Variants in MYRFL observed in about 807,000 individuals in gnomAD.
MYRFL encodes the protein myelin regulatory factor-like protein.
MYRFL carries 88 observed loss-of-function variants against 109.4 expected under a neutral mutation model. The ratio of observed to expected loss-of-function variants is 0.80; its 90% CI spans 0.68 to 0.96. The LOEUF is 0.96. MYRFL is among the 40% of genes least tolerant of loss of function. MYRFL has a pLI of 0.00. For missense variants in MYRFL, 957 were observed against 954.9 expected (o/e 1.00, Z -0.03); for synonymous variants, 324 against 320.9 (o/e 1.01, Z -0.10).
At chr12:69,903,487 C>A (rs921389337) in intron 10 of MYRFL, among the ~76,000 whole-genome samples, 157 bp from the exon 11 acceptor site, 1 of 152,078 alleles carries the variant, frequency 6.6e-6, no homozygotes, top group East Asian at 1.9e-4. Context: ...TCCTGGGCCC[C>A]GGAATTACTT....
chr12:69,947,729 T>C (rs1363320019), intron 19 of MYRFL, among the ~76,000 whole-genome samples: 1 of 152,158 alleles, frequency 6.6e-6, no homozygotes, highest in Non-Finnish European at 1.5e-5. Context: ...GAAAAGTGAA[T>C]GGCCAGAAGA....
intron 16 of MYRFL, among the ~76,000 whole-genome samples, chr12:69,933,962 C>G (rs1955362028): frequency 6.6e-6 from 1 of 152,088 alleles, no homozygotes. Flanking sequence ...CTGTGGTATA[C>G]CTGAGTAGGG....
At chr12:69,952,921 CT>C (rs1318191610) in intron 21 of MYRFL, 35 bp downstream of exon 21, 1 of 1,426,326 alleles carries the variant, frequency 7.0e-7, no homozygotes, top group Non-Finnish European at 9.5e-7. Flanking sequence ...CTGGTTGTTT[CT>C]GGAATTTACC....
At chr12:69,826,026 A>G (rs1053284849) in intron 1 of MYRFL, among the ~76,000 whole-genome samples, 1 of 152,122 alleles carries the variant, frequency 6.6e-6, no homozygotes, top group African/African-American at 2.4e-5. Flanking sequence ...TCAGCAGCAC[A>G]TCGAGAAAAG....
chr12:69,891,640 T>C (rs1375679794), intron 7 of MYRFL, among the ~76,000 whole-genome samples: 10 of 81,674 alleles, frequency 1.2e-4, no homozygotes, highest in African/African-American at 5.1e-4. Flanking sequence ...CCTTTCTTTT[T>C]CTTTCTTTCT....
At chr12:69,936,009 G>A (rs781404341) in intron 16 of MYRFL, 104 bp from the exon 17 acceptor site, 137 of 1,359,480 alleles carry the variant, frequency 1.0e-4, no homozygotes, top group Non-Finnish European at 1.2e-4. Context: ...CATCTGTGTG[G>A]CCTGTGAGAG....
intron 10 of MYRFL, among the ~76,000 whole-genome samples, chr12:69,902,411 G>T (rs1001975758): frequency 6.6e-6 from 1 of 152,158 alleles, no homozygotes; most frequent in African/African-American, 2.4e-5. Context: ...AGTATATAGT[G>T]AAAGGTGAAT....
intron 15 of MYRFL, 86 bp from the exon 16 acceptor site, chr12:69,932,427 A>T (rs1955299533): frequency 1.2e-6 from 1 of 837,210 alleles, no homozygotes; most frequent in Non-Finnish European, 1.9e-6. Flanking sequence ...AGCAGCAAAT[A>T]CCCCTGCTGG....
At chr12:69,885,702 C>T (rs915921999) in intron 5 of MYRFL, among the ~76,000 whole-genome samples, 2 of 152,098 alleles carry the variant, frequency 1.3e-5, no homozygotes, top group African/African-American at 4.8e-5. Context: ...AGACAAGTTG[C>T]AAGGATTATG....
At chr12:69,954,431 A>G (rs1434098758) in intron 21 of MYRFL, among the ~76,000 whole-genome samples, 1 of 152,176 alleles carries the variant, frequency 6.6e-6, no homozygotes, top group Admixed American at 6.5e-5. Context: ...CACTGTTCTC[A>G]ATTTGGTGTG....
chr12:69,872,447 C>G (rs1481695405), intron 2 of MYRFL, among the ~76,000 whole-genome samples: 3 of 152,122 alleles, frequency 2.0e-5, no homozygotes, highest in African/African-American at 7.2e-5. Context: ...CCTCACCCTC[C>G]TGAATAGCTG....
In MYRFL at chr12:69,891,051, A is replaced by G. The variant is rs555784168; in HGVS notation, c.788A>G (p.Lys263Arg). 1.3e-6 allele frequency: 2 copies of G among 1,535,022 alleles called. No individual in the cohort carries two copies. Among genetic ancestry groups the G allele is most frequent in the African/African-American group, 1.4e-5 (1 of 73,154 alleles). Residue 263 changes from lysine to arginine, a missense_variant, in exon 7 of 25, where the codon AAG (lysine) becomes AGG (arginine). Coordinates refer to ENST00000552032, the MANE Select transcript of MYRFL (RefSeq NM_182530.3). ...GATGAAGCTTTTGTTTGCCAAAAGA[A>G]GAATCATTTCCAGATAACCATTCAC... is the stretch of plus-strand genomic sequence containing the variant. ...PADEAFVCQK[K>R]NHFQITIHIQ...
rs1885865898 is a variant in MYRFL at position 69,878,914 on chromosome 12, A to G, written c.138-114A>G. ...CCAAACCCCTCACCCCCCCATGCCCAGCACCTGGAACCATCACTGTGGGGG... is the reference window on the plus strand; with the variant it reads ...CCAAACCCCTCACCCCCCCATGCCCGGCACCTGGAACCATCACTGTGGGGG... On this transcript the variant is annotated intron_variant, in intron 2 of 24. Transcript: ENST00000552032. The G allele has an allele frequency of 2.2e-5, 15 of 677,210 alleles. 1 individual carries two copies. In the Middle Eastern group the frequency reaches 3.1e-3, roughly 138 times the overall value. The allele number at this position is 677,210 out of a possible 1,614,324, so 42.0% of individuals were successfully genotyped here.
At chr12:69,892,219 C>T (rs960283151) in intron 7 of MYRFL, among the ~76,000 whole-genome samples, 1 of 152,112 alleles carries the variant, frequency 6.6e-6, no homozygotes. Flanking sequence ...CCCTCCTGTA[C>T]AGTTTAACAG....
chr12:69,925,050 C>T (rs920494113), intron 13 of MYRFL, among the ~76,000 whole-genome samples: 1 of 152,144 alleles, frequency 6.6e-6, no homozygotes, highest in African/African-American at 2.4e-5. Flanking sequence ...CATATAACAC[C>T]TGATACAAGG....
chr12:69,874,111 T>C (rs1885515177), intron 2 of MYRFL, among the ~76,000 whole-genome samples: 1 of 152,232 alleles, frequency 6.6e-6, no homozygotes, highest in African/African-American at 2.4e-5. Flanking sequence ...TATACCTATG[T>C]GCATTATAAA....
intron 6 of MYRFL, among the ~76,000 whole-genome samples, chr12:69,888,141 T>C (rs1000627090): frequency 1.3e-5 from 2 of 152,234 alleles, no homozygotes; most frequent in Non-Finnish European, 2.9e-5. Flanking sequence ...ACAGCCTATC[T>C]TGGCTCCAAT....
chr12:69,902,781 G>C (rs1001880724), intron 10 of MYRFL, among the ~76,000 whole-genome samples: 1 of 152,234 alleles, frequency 6.6e-6, no homozygotes, highest in Non-Finnish European at 1.5e-5. Context: ...CAGTGCAGTG[G>C]AACATTCTTT....
chr12:69,842,983 G>C (rs982399508), intron 1 of MYRFL, among the ~76,000 whole-genome samples: 1 of 152,182 alleles, frequency 6.6e-6, no homozygotes, highest in African/African-American at 2.4e-5. Flanking sequence ...GTAAGTAAAT[G>C]AATAAAGCAA....
Sources: gnomAD v4.1 joint callset for allele counts (sites outside exome capture counted in the v4.1 genomes callset) on GRCh38, gnomAD v4.1.1 for gene constraint, MANE v1.5 for transcripts, NCBI Gene and HGNC (gene_info 2026-07-23, HGNC 2026-07-21) for gene names.